The following CA10 variants were observed in gnomAD, a reference collection of about 807,000 sequenced individuals.
The protein encoded by CA10 is carbonic anhydrase-related protein 10.
A neutral mutation model predicts 44.2 loss-of-function variants in CA10; 14 were observed. The observed-to-expected ratio is 0.32, with a 90% CI of 0.21 to 0.50. CA10 has a LOEUF of 0.50. Among genes scored for constraint, CA10 ranks in the 20% least tolerant of loss-of-function variants. CA10 has a pLI of 0.99. For synonymous variants in CA10, 159 were observed against 141.6 expected (o/e 1.12, Z -0.87); for missense variants, 350 against 409.7 (o/e 0.85, Z 1.26).
chr17:51,887,074 T>A (rs995040416), intron 3 of CA10, among the ~76,000 whole-genome samples: 1 of 152,076 alleles, frequency 6.6e-6, no homozygotes, highest in African/African-American at 2.4e-5. Flanking sequence ...GCATCCCTAA[T>A]AATGTAAACC....
At chr17:51,968,021 T>G (rs1268146252) in intron 2 of CA10, among the ~76,000 whole-genome samples, 2 of 151,802 alleles carry the variant, frequency 1.3e-5, no homozygotes, top group African/African-American at 4.8e-5. Context: ...AAGCCTAGTG[T>G]TGTCTCCAGT....
At chr17:52,089,752 T>A (rs1206635969) in intron 1 of CA10, among the ~76,000 whole-genome samples, 3 of 152,126 alleles carry the variant, frequency 2.0e-5, no homozygotes, top group African/African-American at 7.2e-5. Context: ...ATACATATTT[T>A]AAAACTCTCA....
At chr17:51,900,588 A>T (rs934983808) in intron 3 of CA10, among the ~76,000 whole-genome samples, 4 of 152,168 alleles carry the variant, frequency 2.6e-5, no homozygotes, top group African/African-American at 9.6e-5. Context: ...AGGTTGGAGA[A>T]ATTTTCATGA....
intron 1 of CA10, among the ~76,000 whole-genome samples, chr17:52,112,128 C>G (rs1988799971): frequency 1.3e-5 from 2 of 151,332 alleles, no homozygotes; most frequent in African/African-American, 4.9e-5. Flanking sequence ...CCTACTGCCC[C>G]AATTCACCAG....
intron 3 of CA10, among the ~76,000 whole-genome samples, chr17:51,877,920 G>A (rs1020544642): frequency 1.3e-5 from 2 of 151,778 alleles, no homozygotes; most frequent in Non-Finnish European, 2.9e-5. Context: ...CGAGGCAGAC[G>A]GATCACAAGG....
At chr17:51,896,540 G>A (rs1265717019) in intron 3 of CA10, among the ~76,000 whole-genome samples, 1 of 152,036 alleles carries the variant, frequency 6.6e-6, no homozygotes, top group African/African-American at 2.4e-5. Flanking sequence ...GTGCTGTGAT[G>A]AAGATACGCA....
intron 3 of CA10, among the ~76,000 whole-genome samples, chr17:51,894,478 C>T (rs540543766): frequency 6.6e-6 from 1 of 152,096 alleles, no homozygotes; most frequent in Non-Finnish European, 1.5e-5. Context: ...AAAGACTTCC[C>T]AGTGCCCCAA....
intron 1 of CA10, among the ~76,000 whole-genome samples, chr17:52,088,576 A>C (rs1275720211): frequency 6.6e-6 from 1 of 152,186 alleles, no homozygotes; most frequent in East Asian, 1.9e-4. Context: ...TGTACATCAA[A>C]GACAGATTAT....
At chr17:51,837,266 G>T (rs1908520637) in intron 3 of CA10, among the ~76,000 whole-genome samples, 1 of 152,128 alleles carries the variant, frequency 6.6e-6, no homozygotes, top group Non-Finnish European at 1.5e-5. Flanking sequence ...TGCAAGTCCG[G>T]TGTCCAGAAA....
At chr17:51,892,515 T>G (rs202140) in intron 3 of CA10, among the ~76,000 whole-genome samples, 52,691 of 152,144 alleles carry the variant, frequency 0.35, 11,532 homozygotes, top group Non-Finnish European at 0.49. Context: ...ATGAGTCACA[T>G]AAATTCTCTG....
At chr17:51,675,626 G>C (rs935075006) in intron 4 of CA10, among the ~76,000 whole-genome samples, 1 of 151,484 alleles carries the variant, frequency 6.6e-6, no homozygotes, top group African/African-American at 2.4e-5. Context: ...TGAGGCAGGA[G>C]AATTGCTTGA....
chr17:52,009,068 T>C (rs565771385), intron 2 of CA10, among the ~76,000 whole-genome samples: 52 of 152,092 alleles, frequency 3.4e-4, no homozygotes, highest in African/African-American at 1.2e-3. Context: ...CTCATCTCTA[T>C]AGATATGAAC....
intron 3 of CA10, among the ~76,000 whole-genome samples, chr17:51,903,337 T>C (rs1335851174): frequency 2.6e-5 from 4 of 152,166 alleles, no homozygotes; most frequent in Non-Finnish European, 5.9e-5. Flanking sequence ...ATATTGCTTA[T>C]ATCCTTTATT....
intron 1 of CA10, among the ~76,000 whole-genome samples, chr17:52,127,486 C>T (rs539903064): frequency 1.3e-5 from 2 of 152,214 alleles, no homozygotes; most frequent in African/African-American, 4.8e-5. Context: ...TTCCTTTCCT[C>T]CATTTAAATT....
At chr17:51,641,151 GC>G (rs1913066954) in intron 6 of CA10, among the ~76,000 whole-genome samples, 1 of 143,816 alleles carries the variant, frequency 7.0e-6, no homozygotes, top group African/African-American at 2.6e-5. Context: ...CTCTCTCTCA[GC>G]TCTCTCTCTC....
At chr17:51,852,826 A>G (rs140177430) in intron 3 of CA10, among the ~76,000 whole-genome samples, 194 of 152,360 alleles carry the variant, frequency 1.3e-3, no homozygotes, top group Non-Finnish European at 2.1e-3. Flanking sequence ...TTTGCCACAA[A>G]GTAAACAATT....
intron 2 of CA10, among the ~76,000 whole-genome samples, chr17:51,936,425 GA>G (rs1407682956): frequency 6.6e-6 from 1 of 152,076 alleles, no homozygotes; most frequent in Admixed American, 6.6e-5. Flanking sequence ...GGTCTCTCTG[GA>G]AGGGTCAGCT....
intron 3 of CA10, among the ~76,000 whole-genome samples, chr17:51,876,337 T>C (rs1027761004): frequency 8.7e-5 from 13 of 148,778 alleles, no homozygotes; most frequent in Admixed American, 8.7e-4. Flanking sequence ...CAGCTACTTT[T>C]TTTTCATCTT....
At chr17:52,030,779 T>C (rs906212966) in intron 2 of CA10, among the ~76,000 whole-genome samples, 2 of 152,168 alleles carry the variant, frequency 1.3e-5, no homozygotes, top group Non-Finnish European at 2.9e-5. Flanking sequence ...CTTCCTCTCT[T>C]GTTCTTGGAC....
Sources: gnomAD v4.1 joint callset for allele counts (sites outside exome capture counted in the v4.1 genomes callset) on GRCh38, gnomAD v4.1.1 for gene constraint, MANE v1.5 for transcripts, NCBI Gene and HGNC (gene_info 2026-07-23, HGNC 2026-07-21) for gene names.